The following CNOT8 variants were observed in gnomAD, a reference collection of about 807,000 sequenced individuals.
The protein encoded by CNOT8 is CAF1-like protein.
In CNOT8, 18 loss-of-function variants were observed where a neutral mutation model predicts 34.6. The observed-to-expected ratio is 0.52, with a 90% CI of 0.36 to 0.77. The LOEUF (loss-of-function observed/expected upper bound fraction) is 0.77. CNOT8 is among the 30% of genes least tolerant of loss of function. CNOT8 has a pLI of 0.00. For missense variants in CNOT8, 189 were observed against 347.9 expected (o/e 0.54, Z 3.63); for synonymous variants, 101 against 118.8 (o/e 0.85, Z 0.98).
intron 4 of CNOT8, 53 bp from the exon 5 acceptor site, chr5:154,871,677 C>A: frequency 6.4e-7 from 1 of 1,563,930 alleles, no homozygotes; most frequent in Admixed American, 1.8e-5. Context: ...TGGTTGAACA[C>A]TGGGGCCTGA....
At chr5:154,870,246 TTTTG>T (rs969404664) in intron 3 of CNOT8, among the ~76,000 whole-genome samples, 12 of 144,390 alleles carry the variant, frequency 8.3e-5, no homozygotes, top group Admixed American at 4.2e-4. Context: ...GTTGTTTTTT[TTTTG>T]TTTGTTTTGT....
At chr5:154,872,898 A>T (rs1762609949) in intron 6 of CNOT8, among the ~76,000 whole-genome samples, 1 of 152,082 alleles carries the variant, frequency 6.6e-6, no homozygotes, top group Non-Finnish European at 1.5e-5. Context: ...CCTCCTGAGT[A>T]GCTGGGATTA....
chr5:154,860,202 A>T (rs1003617662), intron 1 of CNOT8, among the ~76,000 whole-genome samples: 2 of 152,130 alleles, frequency 1.3e-5, no homozygotes, highest in Non-Finnish European at 2.9e-5. Flanking sequence ...TGCCCTGAGG[A>T]GGCTTAAAAG....
rs778764838 is a variant in CNOT8 at position 154,870,642 on chromosome 5, T to C, written c.312-19T>C. The C allele has an allele frequency of 2.5e-6, 4 of 1,601,642 alleles. No homozygotes were observed. Among genetic ancestry groups the C allele is most frequent in the Admixed American group, 3.4e-5 (2 of 58,586 alleles). The stretch of plus-strand genomic sequence containing the variant: ...GTTTCATTATTCACCAGTTAATAAA[T>C]AAACACCTTGTTTTTTAGAGAGGAC... On this transcript the variant is annotated intron_variant, in intron 3 of 6. Transcript: ENST00000285896.
chr5:154,871,862 CA>C lies in CNOT8; in HGVS notation c.611del (p.Asn204IlefsTer30). The C allele has an allele frequency of 6.2e-7, 1 of 1,611,510 alleles. No individual in the cohort carries two copies. Among genetic ancestry groups the C allele is most frequent in the Non-Finnish European group, 8.5e-7 (1 of 1,179,154 alleles). Reference protein sequence around the residue: ...YDVKYLMKSCKNLKGGLQEVA... With the variant: ...YDVKYLMKSCXNLKGGLQEVA... Reference sequence around the variant, plus strand: ...ATGTGAAATACCTGATGAAGAGCTGCAAAAATCTTAAGGTATATGATGTTTT... The same window carrying C: ...ATGTGAAATACCTGATGAAGAGCTGCAAAATCTTAAGGTATATGATGTTTT... On this transcript the variant is annotated frameshift_variant, in exon 5 of 7. Transcript: ENST00000285896. LOFTEE classifies it high-confidence loss of function.
chr5:154,860,875 A>G (rs575680140), intron 1 of CNOT8, among the ~76,000 whole-genome samples: 46 of 152,184 alleles, frequency 3.0e-4, no homozygotes, highest in African/African-American at 1.1e-3. Context: ...TTTAAAAACC[A>G]ATTCTCTTTT....
At chr5:154,865,083 G>T in intron 2 of CNOT8, 109 bp from the exon 3 acceptor site, 4 of 955,866 alleles carry the variant, frequency 4.2e-6, no homozygotes, top group Non-Finnish European at 6.3e-6. Flanking sequence ...CAAGTTTGGG[G>T]CTTGCCACAT....
At chr5:154,873,159 G>C (rs892900977) in intron 6 of CNOT8, among the ~76,000 whole-genome samples, 1 of 152,220 alleles carries the variant, frequency 6.6e-6, no homozygotes, top group African/African-American at 2.4e-5. Flanking sequence ...GCCTGGCTTG[G>C]TCTCCCAAAG....
intron 6 of CNOT8, among the ~76,000 whole-genome samples, chr5:154,873,275 A>G (rs1459252686): frequency 6.6e-6 from 1 of 152,200 alleles, no homozygotes; most frequent in Non-Finnish European, 1.5e-5. Context: ...GGTATTCTGC[A>G]TGTCACATGT....
rs191703103 is a variant in CNOT8 at position 154,871,624 on chromosome 5, G to T, written c.474-106G>T. ...GATAAACTACTCAGAAAAAGTGAAA[G>T]TTCCTAACATGAAGTAGCATTTACA... On this transcript the variant is annotated intron_variant, in intron 4 of 6. Coordinates refer to ENST00000285896, the MANE Select transcript of CNOT8 (RefSeq NM_001301073.2). The T allele has an allele frequency of 5.1e-4, 368 of 724,848 alleles. 1 individual carries two copies. The highest frequency in any genetic ancestry group is 7.5e-4 in the Non-Finnish European group (339 of 454,144). 44.9% of individuals were successfully genotyped at this position (724,848 alleles called of 1,614,324 possible). A position where few individuals can be genotyped will look rare whatever the true frequency, so the allele number is the denominator to read the frequency against.
At chr5:154,864,915 C>T (rs1761720494) in intron 2 of CNOT8, among the ~76,000 whole-genome samples, 1 of 152,042 alleles carries the variant, frequency 6.6e-6, no homozygotes, top group African/African-American at 2.4e-5. Flanking sequence ...GTGGTGTGCA[C>T]CTGTAGTTCC....
intron 1 of CNOT8, among the ~76,000 whole-genome samples, chr5:154,861,256 CAAGCCTGT>C (rs1198772240): frequency 1.3e-5 from 2 of 152,176 alleles, no homozygotes; most frequent in African/African-American, 4.8e-5. Flanking sequence ...TGTTCTTTTG[CAAGCCTGT>C]AATAGAACAA....
chr5:154,864,286 C>G (rs541467280), intron 2 of CNOT8, among the ~76,000 whole-genome samples: 1 of 152,184 alleles, frequency 6.6e-6, no homozygotes, highest in Admixed American at 6.5e-5. Context: ...CGGTGAAACC[C>G]TGCCTCTACT....
At chr5:154,871,972 C>A in intron 5 of CNOT8, 98 bp downstream of exon 5, 3 of 968,048 alleles carry the variant, frequency 3.1e-6, no homozygotes, top group Non-Finnish European at 4.6e-6. Flanking sequence ...TTTTTGAGTA[C>A]TAGATGCTAG....
chr5:154,875,304 CA>C lies in CNOT8; in HGVS notation c.745del (p.Ser249AlafsTer14). 1 of 1,613,882 alleles carries C rather than the reference CA, an allele frequency of 6.2e-7. No homozygotes were observed. ...FRMKELFFEDSIDDAKYCGRL... is the reference protein window; with the variant it reads ...FRMKELFFEDXIDDAKYCGRL... ...CCATTCTGCAGTTGTTTTTTGAGGA[CA>C]GCATTGATGATGCCAAGTACTGTGG... is the stretch of plus-strand genomic sequence containing the variant. On this transcript the variant is annotated frameshift_variant, in exon 7 of 7. Transcript: ENST00000285896. LOFTEE classifies it high-confidence loss of function.
Position 154,875,831 on chromosome 5 carries a change from A to C in CNOT8, c.*392A>C. 6.0e-6 allele frequency: 1 copy of C among 165,392 alleles called. No individual in the cohort carries two copies. The highest frequency in any genetic ancestry group is 1.3e-5 in the Non-Finnish European group (1 of 75,706). 10.2% of individuals were successfully genotyped at this position (165,392 alleles called of 1,614,324 possible). On this transcript the variant is annotated 3_prime_UTR_variant, in exon 7 of 7. Coordinates refer to ENST00000285896, the MANE Select transcript of CNOT8 (RefSeq NM_001301073.2). ...ATTTGTTGCTAATCTCTGATAATGA[A>C]GATTCTTACTCTGATTCTCAGCTGA...
At position 154,872,859 on chromosome 5, in the gene CNOT8, C is replaced by T. The variant is rs997056457; in HGVS notation, c.729+208C>T. 1.1e-4 allele frequency among the ~76,000 whole-genome samples: 17 copies of T among 152,306 alleles called. No homozygotes were observed. The East Asian group carries it at 2.7e-3, about 24-fold the overall frequency. ...TCTCAGCTCACTGCAACCTCCGCCT[C>T]CCGGGTTCAAGCTTTTCTTCTGCCT... On this transcript the variant is annotated intron_variant, in intron 6 of 6. Transcript: ENST00000285896.
rs779400145 is a variant in CNOT8, at chr5:154,865,230, T to G, written c.156T>G (p.Gly52=). The G allele has an allele frequency of 6.2e-7, 1 of 1,603,930 alleles. No homozygotes were observed. The highest frequency in any genetic ancestry group is 1.3e-5 in the African/African-American group (1 of 74,474). Residue 52 remains glycine (G), a synonymous_variant, in exon 3 of 7, where the codon GGT becomes GGG. Transcript: ENST00000285896. ...CAGGTGTTGTGGTGCGACCAATTGG[T>G]GAATTTCGTAGTTCCATAGATTACC... ...EFPGVVVRPI[G]EFRSSIDYQY...
intron 6 of CNOT8, among the ~76,000 whole-genome samples, chr5:154,873,517 T>G (rs1174332074): frequency 2.0e-5 from 3 of 152,206 alleles, no homozygotes; most frequent in African/African-American, 7.2e-5. Context: ...CTATAACCCC[T>G]TAGTAAAAAT....
Sources: gnomAD v4.1 joint callset for allele counts (sites outside exome capture counted in the v4.1 genomes callset) on GRCh38, gnomAD v4.1.1 for gene constraint, MANE v1.5 for transcripts, NCBI Gene and HGNC (gene_info 2026-07-23, HGNC 2026-07-21) for gene names.